The following GPM6B variants were observed in gnomAD, a reference collection of about 807,000 sequenced individuals.
GPM6B encodes glycoprotein M6B, also known as neuronal membrane glycoprotein M6-b.
A neutral mutation model predicts 27.2 loss-of-function variants in GPM6B; 4 were observed. The ratio of observed to expected loss-of-function variants is 0.15; its 90% confidence interval spans 0.07 to 0.34. The LOEUF (loss-of-function observed/expected upper bound fraction) is 0.34. Ranked by LOEUF, GPM6B falls within the 10% of genes least tolerant of loss-of-function variation. The probability of loss-of-function intolerance (pLI) is 1.00; values close to 1 mark genes in which losing one functional copy is unlikely to be tolerated. For missense variants in GPM6B, 183 were observed against 261.9 expected (o/e 0.70, Z 2.08); for synonymous variants, 124 against 103.1 (o/e 1.20, Z -1.23).
intron 1 of GPM6B, among the ~76,000 whole-genome samples, chrX:13,838,699 C>T (rs988854568): frequency 1.6e-4 from 18 of 111,687 alleles, no homozygotes; most frequent in Non-Finnish European, 2.6e-4. Context: ...CTTCCCCTGC[C>T]CAAAGGGAGG....
intron 1 of GPM6B, among the ~76,000 whole-genome samples, chrX:13,846,692 A>G (rs2049651325): frequency 9.5e-6 from 1 of 105,820 alleles, no homozygotes; most frequent in African/African-American, 3.5e-5. Flanking sequence ...ACGGGGTTTC[A>G]CCATGTTAGC....
chrX:13,860,671 A>G (rs1032648323), intron 1 of GPM6B, among the ~76,000 whole-genome samples: 67 of 110,329 alleles, frequency 6.1e-4, no homozygotes, highest in African/African-American at 2.2e-3. Flanking sequence ...GGGAACAGGT[A>G]GTGTTTGGTT....
chrX:13,826,563 C>CGT (rs2049375653), intron 1 of GPM6B, among the ~76,000 whole-genome samples: 1 of 67,948 alleles, frequency 1.5e-5, no homozygotes, highest in African/African-American at 4.4e-5. Context: ...CATACATACA[C>CGT]ACATACATAC....
At chrX:13,881,139 GTC>G (rs2050092890) in intron 1 of GPM6B, among the ~76,000 whole-genome samples, 2 of 112,165 alleles carry the variant, frequency 1.8e-5, no homozygotes, top group Admixed American at 1.9e-4. Flanking sequence ...CAGGAATCTT[GTC>G]TACCTTGCCC....
rs955412424 is a variant in GPM6B at position 13,929,066 on chromosome X, T to C, written c.-198+9261A>G. 9.8e-5 allele frequency among the ~76,000 whole-genome samples: 11 copies of C among 112,265 alleles called. No individual in the cohort carries two copies. In the East Asian group the frequency reaches 1.4e-3, roughly 14 times the overall value. ...ACTAAGGACGGAACGTGCAGGAAGG[T>C]TGCCTTAAGGGCTTAATCTGGTTAG... On this transcript the variant is annotated intron_variant, in intron 1 of 6. Transcript: ENST00000398361.
At chrX:13,878,312 C>G (rs1480193234) in intron 1 of GPM6B, among the ~76,000 whole-genome samples, 1 of 106,606 alleles carries the variant, frequency 9.4e-6, no homozygotes, top group Admixed American at 1.0e-4. Context: ...TCTAATTATT[C>G]CTATCAGCAT....
chrX:13,844,281 C>T (rs756793323), intron 1 of GPM6B, among the ~76,000 whole-genome samples: 33 of 112,530 alleles, frequency 2.9e-4, no homozygotes, highest in African/African-American at 9.0e-4. Context: ...CAGTACCACA[C>T]GGTAGCTTTG....
intron 1 of GPM6B, among the ~76,000 whole-genome samples, chrX:13,816,524 G>A (rs746034022): frequency 9.0e-6 from 1 of 111,253 alleles, no homozygotes; most frequent in Non-Finnish European, 1.9e-5. Context: ...TAACATGCAG[G>A]ACACAAGACC....
At chrX:13,858,465 T>C (rs935418605) in intron 1 of GPM6B, among the ~76,000 whole-genome samples, 2 of 111,485 alleles carry the variant, frequency 1.8e-5, no homozygotes, top group Admixed American at 1.9e-4. Context: ...TCTCAGGCAA[T>C]AAATGAAACG....
intron 1 of GPM6B, among the ~76,000 whole-genome samples, chrX:13,814,553 A>AT (rs1358572277): frequency 8.9e-6 from 1 of 112,186 alleles, no homozygotes; most frequent in African/African-American, 3.3e-5. Context: ...TGGAAAAATA[A>AT]TTTTTTAATA....
intron 7 of GPM6B, chrX:13,774,501 TTTCATGCTACAGAGCATAG>T (rs762152469): frequency 8.3e-7 from 1 of 1,205,404 alleles, no homozygotes; most frequent in South Asian, 1.8e-5. Flanking sequence ...GTCAGTGATA[TTTCATGCTACAGAGCATAG>T]CTCTCTAAAA....
chrX:13,852,476 ACTGT>A (rs2049729063), intron 1 of GPM6B, among the ~76,000 whole-genome samples: 1 of 111,452 alleles, frequency 9.0e-6, no homozygotes, highest in African/African-American at 3.3e-5. Context: ...GCCTTCATTC[ACTGT>A]CTAACTTGCC....
chrX:13,895,018 A>T (rs1569291735), intron 1 of GPM6B, among the ~76,000 whole-genome samples: 1 of 111,875 alleles, frequency 8.9e-6, no homozygotes, highest in East Asian at 2.8e-4. Context: ...TGAGTAAAAA[A>T]GCTCTTCATT....
Position 13,772,591 on chromosome X carries a change from G to C in GPM6B, c.*290C>G. On this transcript the variant is annotated 3_prime_UTR_variant, in exon 8 of 8. Transcript: ENST00000316715. ...TTCCATTGAGTGTCTTGGTAGAATT[G>C]CCCTAGCAATAAATGTGAACATGCC... The C allele has an allele frequency of 3.8e-6, 1 of 265,239 alleles. No individual in the cohort carries two copies. The allele number at this position is 265,239 out of a possible 1,213,427, so 21.9% of individuals were successfully genotyped here.
chrX:13,884,559 G>A (rs1237011021), intron 1 of GPM6B, among the ~76,000 whole-genome samples: 1 of 112,256 alleles, frequency 8.9e-6, no homozygotes. Flanking sequence ...AAGAGAAAAT[G>A]TTTTTAAGGA....
intron 1 of GPM6B, among the ~76,000 whole-genome samples, chrX:13,923,337 T>C (rs1005395143): frequency 8.9e-6 from 1 of 112,024 alleles, no homozygotes; most frequent in Admixed American, 9.5e-5. Flanking sequence ...AAAAATCACA[T>C]TTCCAAAGAG....
At chrX:13,800,642 A>G (rs1181523968) in intron 2 of GPM6B, among the ~76,000 whole-genome samples, 1 of 112,225 alleles carries the variant, frequency 8.9e-6, no homozygotes, top group African/African-American at 3.2e-5. Flanking sequence ...GTAAATACAT[A>G]TACAGGTTGA....
At chrX:13,856,701 TTTA>T (rs1569263628) in intron 1 of GPM6B, among the ~76,000 whole-genome samples, 2 of 89,379 alleles carry the variant, frequency 2.2e-5, no homozygotes, top group East Asian at 6.0e-4. Flanking sequence ...TATTTTTTTT[TTTA>T]TTATTTTTTT....
intron 1 of GPM6B, among the ~76,000 whole-genome samples, chrX:13,928,328 ATTATACT>A (rs1921309956): frequency 8.9e-6 from 1 of 112,558 alleles, no homozygotes; most frequent in South Asian, 3.7e-4. Flanking sequence ...GTGTACACAT[ATTATACT>A]TCAATAACAA....
Sources: allele counts gnomAD v4.1 joint callset (sites outside exome capture counted in the v4.1 genomes callset), GRCh38; gene constraint gnomAD v4.1.1; transcripts MANE v1.5; gene names NCBI Gene and HGNC (gene_info 2026-07-23, HGNC 2026-07-21).